The following KCNMA1 variants were observed in gnomAD, a reference collection of about 807,000 sequenced individuals.
KCNMA1 encodes the protein potassium calcium-activated channel subfamily M alpha 1, also known as Calcium-activated potassium channel subunit alpha-1.
KCNMA1 carries 29 observed loss-of-function variants against 140.0 expected under a neutral mutation model. The observed-to-expected ratio is 0.21, with a 90% confidence interval of 0.15 to 0.28. KCNMA1 has a LOEUF of 0.28. Among genes scored for constraint, KCNMA1 ranks in the 10% least tolerant of loss-of-function variants. KCNMA1 has a pLI of 1.00. For synonymous variants in KCNMA1, 612 were observed against 611.9 expected (o/e 1.00, Z 0.00); for missense variants, 880 against 1,602.2 (o/e 0.55, Z 7.70).
intron 1 of KCNMA1, among the ~76,000 whole-genome samples, chr10:77,530,014 C>A (rs975896830): frequency 6.6e-6 from 1 of 152,222 alleles, no homozygotes; most frequent in Non-Finnish European, 1.5e-5. Flanking sequence ...GACAACAAAG[C>A]TAATAATGTT....
rs1235134297 is a variant in KCNMA1, at chr10:77,637,298, C to G, written c.345G>C (p.Trp115Cys). The change falls in exon 1 of 28, where the codon TGG becomes TGC. Residue 115 changes from tryptophan to cysteine, a missense_variant. Transcript: ENST00000286628. ...ILLWRTLKYL[W>C]TVCCHCGGKT... is the part of the protein sequence containing the mutation. ...TGCCCCCGCAGTGGCAGCACACGGTCCACAGGTACTTGAGCGTCCGCCAGA... is the reference window on the plus strand; with the variant it reads ...TGCCCCCGCAGTGGCAGCACACGGTGCACAGGTACTTGAGCGTCCGCCAGA... The G allele has an allele frequency of 6.2e-7, 1 of 1,612,838 alleles. No homozygotes were observed. Among genetic ancestry groups the G allele is most frequent in the Non-Finnish European group, 8.5e-7 (1 of 1,179,632 alleles).
At chr10:77,003,723 A>G (rs1302875921) in intron 18 of KCNMA1, among the ~76,000 whole-genome samples, 2 of 152,160 alleles carry the variant, frequency 1.3e-5, no homozygotes, top group Non-Finnish European at 2.9e-5. Context: ...CCATACTGCC[A>G]TTTTGGGTTT....
intron 2 of KCNMA1, among the ~76,000 whole-genome samples, chr10:77,287,594 T>G (rs541566710): frequency 6.6e-6 from 1 of 152,328 alleles, no homozygotes. Flanking sequence ...CTTCTGAGCA[T>G]CTATGAAAAA....
intron 9 of KCNMA1, among the ~76,000 whole-genome samples, chr10:77,099,760 T>C (rs2097050305): frequency 6.6e-6 from 1 of 150,576 alleles, no homozygotes; most frequent in South Asian, 2.1e-4. Flanking sequence ...GAAGGCATGA[T>C]ACGAGGCATG....
At chr10:77,329,474 T>C (rs552478908) in intron 2 of KCNMA1, among the ~76,000 whole-genome samples, 17 of 152,332 alleles carry the variant, frequency 1.1e-4, no homozygotes, top group Admixed American at 9.8e-4. Context: ...CTGCCATCTA[T>C]GAACCAGAAA....
intron 19 of KCNMA1, 136 bp downstream of exon 19, chr10:77,001,271 A>G: frequency 1.3e-6 from 1 of 784,246 alleles, no homozygotes; most frequent in East Asian, 2.7e-5. Flanking sequence ...CTGGGGCAAC[A>G]TGTCAGCACA....
intron 17 of KCNMA1, 29 bp from the exon 18 acceptor site, chr10:77,012,072 C>G (rs756727218): frequency 6.2e-7 from 1 of 1,612,724 alleles, no homozygotes. Context: ...AAAACTGACA[C>G]GTTTCATAAT....
At chr10:77,386,776 C>T (rs1258553830) in intron 2 of KCNMA1, among the ~76,000 whole-genome samples, 1 of 152,176 alleles carries the variant, frequency 6.6e-6, no homozygotes, top group Non-Finnish European at 1.5e-5. Context: ...GCAATTCTGG[C>T]AGGCTTTTAA....
At chr10:77,106,397 G>A (rs1017511563) in intron 9 of KCNMA1, among the ~76,000 whole-genome samples, 4 of 152,180 alleles carry the variant, frequency 2.6e-5, no homozygotes, top group African/African-American at 4.8e-5. Flanking sequence ...GAACTGCCAG[G>A]GTGAAAGATG....
chr10:77,357,799 C>T (rs945221991), intron 2 of KCNMA1, among the ~76,000 whole-genome samples: 3 of 152,088 alleles, frequency 2.0e-5, no homozygotes, highest in South Asian at 2.1e-4. Flanking sequence ...CTCTTCATGA[C>T]TTAAAACAAC....
At chr10:77,228,771 A>G (rs1176277316) in intron 3 of KCNMA1, among the ~76,000 whole-genome samples, 1 of 152,150 alleles carries the variant, frequency 6.6e-6, no homozygotes, top group Non-Finnish European at 1.5e-5. Flanking sequence ...ATTATTCACC[A>G]CATTCAGTGA....
chr10:77,383,118 T>A (rs1296030282), intron 2 of KCNMA1, among the ~76,000 whole-genome samples: 1 of 150,958 alleles, frequency 6.6e-6, no homozygotes, highest in Non-Finnish European at 1.5e-5. Context: ...AAGATTATAA[T>A]GTTGATTGCC....
At chr10:77,560,505 G>C (rs2066001131) in intron 1 of KCNMA1, among the ~76,000 whole-genome samples, 1 of 152,206 alleles carries the variant, frequency 6.6e-6, no homozygotes, top group African/African-American at 2.4e-5. Context: ...AGGCCACTCA[G>C]AGAATGTGCA....
At chr10:76,950,346 A>G (rs887573433) in intron 21 of KCNMA1, among the ~76,000 whole-genome samples, 1 of 152,224 alleles carries the variant, frequency 6.6e-6, no homozygotes, top group Non-Finnish European at 1.5e-5. Flanking sequence ...AGAGATTAGT[A>G]AGAGCAACAG....
chr10:77,418,879 A>T (rs1167176793), intron 1 of KCNMA1, among the ~76,000 whole-genome samples: 1 of 152,254 alleles, frequency 6.6e-6, no homozygotes, highest in Admixed American at 6.5e-5. Flanking sequence ...CACCTCATTC[A>T]GACTTCTCCA....
At chr10:76,934,876 G>A (rs564691723) in intron 23 of KCNMA1, among the ~76,000 whole-genome samples, 6 of 152,206 alleles carry the variant, frequency 3.9e-5, no homozygotes, top group East Asian at 3.9e-4. Flanking sequence ...CTGCTGTCAC[G>A]GAAACTTCCG....
intron 14 of KCNMA1, among the ~76,000 whole-genome samples, chr10:77,053,931 A>G (rs2095459261): frequency 6.6e-6 from 1 of 152,210 alleles, no homozygotes; most frequent in African/African-American, 2.4e-5. Context: ...CCCAGGTCTT[A>G]CAGCAAATCG....
At chr10:76,931,222 G>C (rs1305545084) in intron 23 of KCNMA1, among the ~76,000 whole-genome samples, 1 of 151,914 alleles carries the variant, frequency 6.6e-6, no homozygotes, top group Non-Finnish European at 1.5e-5. Context: ...ACTTGATTTT[G>C]GTAATAATTT....
chr10:77,066,904 C>T (rs1337740224), intron 14 of KCNMA1, among the ~76,000 whole-genome samples: 1 of 152,156 alleles, frequency 6.6e-6, no homozygotes, highest in Non-Finnish European at 1.5e-5. Flanking sequence ...TCAGTTGCAG[C>T]CCTGGCCCCA....
Sources: allele counts gnomAD v4.1 joint callset (sites outside exome capture counted in the v4.1 genomes callset), GRCh38; gene constraint gnomAD v4.1.1; transcripts MANE v1.5; gene names NCBI Gene and HGNC (gene_info 2026-07-23, HGNC 2026-07-21).